NARS2: variants seen among roughly 807,000 people sequenced by gnomAD.
NARS2 encodes the protein asparaginyl-tRNA synthetase.
In NARS2, 60 loss-of-function variants were observed where a neutral mutation model predicts 62.9. That is an observed-to-expected ratio of 0.95 (90% CI 0.77 to 1.18). NARS2 has a LOEUF of 1.18. NARS2 is among the 50% of genes most tolerant of loss of function. The pLI is 0.00. For missense variants in NARS2, 619 were observed against 576.4 expected (o/e 1.07, Z -0.76); for synonymous variants, 196 against 200.0 (o/e 0.98, Z 0.17).
rs763968262 is a variant in NARS2 at position 78,436,753 on chromosome 11, G to A, written c.1351C>T (p.Arg451Cys). ...PHGGFGMGFERYLQCILGVDN... is the reference protein window; with the variant it reads ...PHGGFGMGFECYLQCILGVDN... ...ACACCCAAGATGCACTGCAGGTAGC[G>A]TTCAAATCCCATCCCAAAACCTCCA... The change falls in exon 14 of 14, where the codon CGC (arginine) becomes TGC (cysteine). Residue 451 changes from arginine (R) to cysteine (C), a missense_variant. Physicochemically the swap from Arg to Cys is radical, Grantham distance 180 (BLOSUM62 -3). Transcript: ENST00000281038. 7.4e-6 allele frequency: 12 copies of A among 1,614,014 alleles called. No individual in the cohort carries two copies. The highest frequency in any genetic ancestry group is 6.6e-5 in the South Asian group (6 of 91,088).
At chr11:78,557,709 A>AT (rs1206602888) in intron 5 of NARS2, among the ~76,000 whole-genome samples, 3 of 151,466 alleles carry the variant, frequency 2.0e-5, no homozygotes, top group Non-Finnish European at 4.4e-5. Flanking sequence ...TCAGAAATAC[A>AT]TTTTTTTCCT....
intron 11 of NARS2, among the ~76,000 whole-genome samples, chr11:78,463,817 C>T (rs914644811): frequency 7.4e-5 from 11 of 149,360 alleles, no homozygotes; most frequent in African/African-American, 2.7e-4. Flanking sequence ...AGAGCTGAGA[C>T]AGGGAAAATC....
At chr11:78,558,482 T>C (rs1327825940) in intron 5 of NARS2, 1 of 152,174 alleles carries the variant, frequency 6.6e-6, no homozygotes, top group African/African-American at 2.4e-5. Context: ...ACCAAATATA[T>C]AAACAAGAAT....
chr11:78,469,775 A>AGC (rs56333628), intron 9 of NARS2, among the ~76,000 whole-genome samples: 18,879 of 152,146 alleles, frequency 0.12, 1,776 homozygotes, highest in East Asian at 0.38. Flanking sequence ...AGAGAGAGAG[A>AGC]GAGCGAGAGA....
intron 5 of NARS2, among the ~76,000 whole-genome samples, chr11:78,531,463 G>A (rs1861477511): frequency 6.6e-6 from 1 of 152,136 alleles, no homozygotes; most frequent in African/African-American, 2.4e-5. Flanking sequence ...TCCTTAAAAA[G>A]TTAAAATTGA....
chr11:78,566,529 C>G (rs1856751815), intron 3 of NARS2, among the ~76,000 whole-genome samples: 1 of 152,198 alleles, frequency 6.6e-6, no homozygotes, highest in Non-Finnish European at 1.5e-5. Flanking sequence ...CACTGAAGCT[C>G]ATCTGTTATT....
intron 13 of NARS2, among the ~76,000 whole-genome samples, chr11:78,439,440 C>A (rs1297282418): frequency 6.6e-6 from 1 of 152,050 alleles, no homozygotes; most frequent in African/African-American, 2.4e-5. Context: ...GGCTTATCTA[C>A]CTAATAGCAA....
intron 4 of NARS2, among the ~76,000 whole-genome samples, chr11:78,563,008 G>C (rs895927704): frequency 6.6e-6 from 1 of 151,928 alleles, no homozygotes; most frequent in African/African-American, 2.4e-5. Flanking sequence ...ATGCCTTATA[G>C]TACTACAGAA....
chr11:78,444,824 G>T (rs988098298), intron 11 of NARS2, among the ~76,000 whole-genome samples: 8 of 151,360 alleles, frequency 5.3e-5, no homozygotes, highest in Admixed American at 2.0e-4. Flanking sequence ...ACAGATTATA[G>T]AATGGATAAA....
At chr11:78,447,564 C>T (rs1857807939) in intron 11 of NARS2, among the ~76,000 whole-genome samples, 1 of 152,062 alleles carries the variant, frequency 6.6e-6, no homozygotes, top group Admixed American at 6.5e-5. Context: ...TTCACTGCAG[C>T]ATTACTCACA....
At chr11:78,542,886 C>A (rs890828843) in intron 5 of NARS2, among the ~76,000 whole-genome samples, 1 of 152,204 alleles carries the variant, frequency 6.6e-6, no homozygotes. Context: ...AACAGGGCGA[C>A]AGAGCGAGAC....
intron 1 of NARS2, 66 bp downstream of exon 1, chr11:78,574,282 C>G: frequency 6.3e-7 from 1 of 1,597,722 alleles, no homozygotes; most frequent in South Asian, 1.1e-5. Flanking sequence ...AAAAGAAAAG[C>G]TAGATGTGGA....
At chr11:78,521,465 G>T (rs1048603301) in intron 6 of NARS2, among the ~76,000 whole-genome samples, 1 of 152,026 alleles carries the variant, frequency 6.6e-6, no homozygotes. Flanking sequence ...AAGCCACTGC[G>T]CCAGGCCTGT....
At position 78,459,292 on chromosome 11, in the gene NARS2, CAG is replaced by C. The variant is rs1858298389; in HGVS notation, c.1164+6582_1164+6583del. ...TTTGTTTGTTTTTTTTAAATTGAGA[CAG>C]AGTTTTGCTCTTGTTGCCCAGGCTG... On this transcript the variant is annotated intron_variant, in intron 11 of 13. Coordinates refer to ENST00000281038, the MANE Select transcript of NARS2 (RefSeq NM_024678.6). Among the ~76,000 whole-genome samples, 5 of 149,128 alleles carry C rather than the reference CAG, an allele frequency of 3.4e-5. 1 individual carries two copies. Among genetic ancestry groups the C allele is most frequent in the East Asian group, 2.0e-4 (1 of 5,050 alleles).
intron 11 of NARS2, among the ~76,000 whole-genome samples, chr11:78,452,681 T>C (rs1404478034): frequency 6.6e-6 from 1 of 152,140 alleles, no homozygotes; most frequent in East Asian, 1.9e-4. Flanking sequence ...AGTGGTGGGA[T>C]GACAGGCATG....
intron 6 of NARS2, among the ~76,000 whole-genome samples, chr11:78,508,553 C>A (rs1241093905): frequency 2.7e-5 from 4 of 149,364 alleles, no homozygotes; most frequent in Non-Finnish European, 4.4e-5. Flanking sequence ...CATGACACTG[C>A]ACTCCAGCCA....
intron 6 of NARS2, among the ~76,000 whole-genome samples, chr11:78,521,650 C>T (rs1056880343): frequency 2.0e-5 from 3 of 151,950 alleles, no homozygotes; most frequent in South Asian, 2.1e-4. Flanking sequence ...ATTAGCCGGG[C>T]GTAGTGGCGG....
In NARS2 at chr11:78,468,310, G is replaced by GAAAAA. The variant is rs764254167; in HGVS notation, c.1026+932_1026+936dup. Among the ~76,000 whole-genome samples the GAAAAA allele has an allele frequency of 4.9e-3, 327 of 67,416 alleles. 7 individuals are homozygous for GAAAAA. Among genetic ancestry groups the GAAAAA allele is most frequent in the African/African-American group, 0.019 (319 of 17,050 alleles). 44.2% of individuals were successfully genotyped at this position (67,416 alleles called of 152,430 possible). A position where few individuals can be genotyped will look rare whatever the true frequency, so the allele number is the denominator to read the frequency against. On this transcript the variant is annotated intron_variant, in intron 10 of 13. Transcript: ENST00000281038. ...ACCTGCTTCTGCAAGCACTAAATCT[G>GAAAAA]AAAAAAAAAAAAAAAAAAGAAAAAA...
At chr11:78,522,446 T>C (rs781047697) in intron 6 of NARS2, among the ~76,000 whole-genome samples, 3 of 152,218 alleles carry the variant, frequency 2.0e-5, no homozygotes, top group Non-Finnish European at 4.4e-5. Flanking sequence ...ACAAGAAGGA[T>C]TTCATTATGT....
Sources: allele counts gnomAD v4.1 joint callset (sites outside exome capture counted in the v4.1 genomes callset), GRCh38; gene constraint gnomAD v4.1.1; transcripts MANE v1.5; gene names NCBI Gene and HGNC (gene_info 2026-07-23, HGNC 2026-07-21).